The following GRIK2 variants were observed in gnomAD, a reference collection of about 807,000 sequenced individuals.
GRIK2 encodes glutamate ionotropic receptor kainate type subunit 2, also known as glutamate receptor ionotropic, kainate 2.
Under a neutral mutation model 100.3 loss-of-function variants are expected in GRIK2, and 32 were observed. The observed-to-expected ratio is 0.32, with a 90% CI of 0.24 to 0.43. The LOEUF (loss-of-function observed/expected upper bound fraction) is 0.43, where lower values mean the gene tolerates loss of function less well. Among genes scored for constraint, GRIK2 ranks in the 20% least tolerant of loss-of-function variants. The probability of loss-of-function intolerance (pLI) is 1.00; values close to 1 mark genes in which losing one functional copy is unlikely to be tolerated. For synonymous variants in GRIK2, 417 were observed against 389.4 expected (o/e 1.07, Z -0.83); for missense variants, 843 against 1,114.9 (o/e 0.76, Z 3.47).
intron 11 of GRIK2, among the ~76,000 whole-genome samples, chr6:101,882,353 AAAACT>A (rs1444568150): frequency 3.3e-5 from 5 of 152,156 alleles, no homozygotes; most frequent in Admixed American, 3.3e-4. Flanking sequence ...GGAATAAAAC[AAAACT>A]AAACTAAAAC....
intron 11 of GRIK2, among the ~76,000 whole-genome samples, chr6:101,882,805 T>C (rs1360181573): frequency 6.6e-6 from 1 of 152,166 alleles, no homozygotes; most frequent in Non-Finnish European, 1.5e-5. Context: ...AATTTTTTTA[T>C]ATTTTAAACT....
chr6:101,468,237 A>G (rs1441841110), intron 2 of GRIK2, among the ~76,000 whole-genome samples: 4 of 152,188 alleles, frequency 2.6e-5, no homozygotes, highest in African/African-American at 9.7e-5. Flanking sequence ...TAGCCAAAAA[A>G]TCATTAACCA....
At chr6:101,535,402 G>A in intron 2 of GRIK2, among the ~76,000 whole-genome samples, 1 of 151,644 alleles carries the variant, frequency 6.6e-6, no homozygotes, top group East Asian at 1.9e-4. Context: ...TTGATCTAAG[G>A]CATAATTCTT....
chr6:101,637,180 T>C (rs147280038), intron 4 of GRIK2, among the ~76,000 whole-genome samples: 207 of 152,250 alleles, frequency 1.4e-3, no homozygotes, highest in African/African-American at 4.8e-3. Flanking sequence ...GTTTACCTCG[T>C]TCTCCCTAAA....
chr6:101,617,917 A>G (rs1779973212), intron 2 of GRIK2, among the ~76,000 whole-genome samples: 1 of 151,724 alleles, frequency 6.6e-6, no homozygotes, highest in East Asian at 1.9e-4. Flanking sequence ...ATAGGATATA[A>G]AGAAAATGTC....
At chr6:101,827,079 C>G (rs1233623547) in intron 10 of GRIK2, among the ~76,000 whole-genome samples, 1 of 151,638 alleles carries the variant, frequency 6.6e-6, no homozygotes, top group Non-Finnish European at 1.5e-5. Flanking sequence ...AGGATAAAAA[C>G]AGAAACTTTT....
At chr6:101,676,489 C>G (rs1200714137) in intron 4 of GRIK2, 134 bp from the exon 5 acceptor site, 39 of 553,444 alleles carry the variant, frequency 7.0e-5, no homozygotes, top group Non-Finnish European at 1.2e-4. Context: ...TTATAATATA[C>G]AAACCTATGT....
chr6:101,641,689 G>T (rs1781282987), intron 4 of GRIK2, among the ~76,000 whole-genome samples: 1 of 151,904 alleles, frequency 6.6e-6, no homozygotes, highest in Admixed American at 6.6e-5. Flanking sequence ...TTGTATTTGT[G>T]TGTTAAGAAG....
intron 14 of GRIK2, among the ~76,000 whole-genome samples, chr6:102,014,715 T>G (rs2114332990): frequency 6.6e-6 from 1 of 152,320 alleles, no homozygotes; most frequent in East Asian, 1.9e-4. Context: ...CAGGAGCATG[T>G]TGTTTCATTT....
intron 12 of GRIK2, among the ~76,000 whole-genome samples, chr6:101,898,983 A>C (rs1211503379): frequency 6.6e-6 from 1 of 151,794 alleles, no homozygotes; most frequent in African/African-American, 2.4e-5. Flanking sequence ...ACAACACCTT[A>C]ATTGCTATAA....
chr6:101,937,602 A>T (rs1472048807), intron 14 of GRIK2, among the ~76,000 whole-genome samples: 1 of 152,300 alleles, frequency 6.6e-6, no homozygotes, highest in South Asian at 2.1e-4. Flanking sequence ...TTACATAAAA[A>T]AACTAAAATG....
intron 7 of GRIK2, among the ~76,000 whole-genome samples, chr6:101,761,010 T>G (rs1486148478): frequency 6.6e-6 from 1 of 152,072 alleles, no homozygotes; most frequent in Non-Finnish European, 1.5e-5. Flanking sequence ...ACATGAAGTC[T>G]CAGTGATTCT....
At chr6:101,937,475 G>T (rs1790687338) in intron 14 of GRIK2, among the ~76,000 whole-genome samples, 1 of 152,108 alleles carries the variant, frequency 6.6e-6, no homozygotes, top group African/African-American at 2.4e-5. Context: ...ATAGCCACTG[G>T]TTAGGCAACA....
intron 12 of GRIK2, among the ~76,000 whole-genome samples, chr6:101,897,645 G>T (rs941493010): frequency 6.6e-6 from 1 of 151,830 alleles, no homozygotes; most frequent in Non-Finnish European, 1.5e-5. Context: ...AGTAAAGACA[G>T]GCGACATCTT....
At chr6:101,972,412 T>A (rs753866483) in intron 14 of GRIK2, among the ~76,000 whole-genome samples, 6 of 152,030 alleles carry the variant, frequency 3.9e-5, no homozygotes, top group Non-Finnish European at 5.9e-5. Flanking sequence ...TTGAGAAGTA[T>A]CGGTTCATGT....
intron 7 of GRIK2, among the ~76,000 whole-genome samples, chr6:101,712,832 C>T (rs1469736003): frequency 6.6e-6 from 1 of 151,786 alleles, no homozygotes; most frequent in African/African-American, 2.4e-5. Context: ...GCAAGAAGCT[C>T]TTGTAGGCTT....
At chr6:101,679,902 C>T (rs949942543) in intron 5 of GRIK2, among the ~76,000 whole-genome samples, 8 of 152,026 alleles carry the variant, frequency 5.3e-5, no homozygotes, top group Admixed American at 2.0e-4. Context: ...CCACGCCCAG[C>T]GTATTTTTTG....
intron 7 of GRIK2, among the ~76,000 whole-genome samples, chr6:101,788,665 A>T (rs1263195017): frequency 2.0e-5 from 3 of 152,202 alleles, no homozygotes; most frequent in Non-Finnish European, 4.4e-5. Flanking sequence ...GTGCTGCAAT[A>T]AACATACATG....
rs1008456210 is a variant in GRIK2, at chr6:101,761,834, G to C, written c.952-37814G>C. Among the ~76,000 whole-genome samples, 172 of 94,990 alleles carry C rather than the reference G, an allele frequency of 1.8e-3. 1 individual carries two copies. The highest frequency in any genetic ancestry group is 6.4e-3 in the African/African-American group (158 of 24,688). 62.3% of individuals were successfully genotyped at this position (94,990 alleles called of 152,430 possible). On this transcript the variant is annotated intron_variant, in intron 7 of 16. Coordinates refer to ENST00000369134, the MANE Select transcript of GRIK2 (RefSeq NM_021956.5). Reference sequence around the variant, plus strand: ...CTTCCTTCTTTTCTTTTCTTCCTTTGTTTCCTTTCCTTCCTTCCCTTCCTT... The same window carrying C: ...CTTCCTTCTTTTCTTTTCTTCCTTTCTTTCCTTTCCTTCCTTCCCTTCCTT...
Sources: gnomAD v4.1 joint callset for allele counts (sites outside exome capture counted in the v4.1 genomes callset) on GRCh38, gnomAD v4.1.1 for gene constraint, MANE v1.5 for transcripts, NCBI Gene and HGNC (gene_info 2026-07-23, HGNC 2026-07-21) for gene names.